UNC5B: variants seen among roughly 807,000 people sequenced by gnomAD.
The protein encoded by UNC5B is unc-5 netrin receptor B.
Under a neutral mutation model 103.7 loss-of-function variants are expected in UNC5B, and 56 were observed. The observed-to-expected ratio is 0.54, with a 90% confidence interval of 0.44 to 0.67. The LOEUF is 0.67. Ranked by LOEUF, UNC5B falls within the 30% of genes least tolerant of loss-of-function variation. UNC5B has a pLI of 0.00. For missense variants in UNC5B, 1,194 were observed against 1,284.5 expected, an observed-to-expected ratio of 0.93 and a Z score of 1.08; for synonymous variants, 577 against 542.0, an observed-to-expected ratio of 1.06 and a Z score of -0.90.
intron 1 of UNC5B, among the ~76,000 whole-genome samples, chr10:71,269,610 C>A (rs1844599673): frequency 6.6e-6 from 1 of 152,108 alleles, no homozygotes. Flanking sequence ...CCCTCCCCCT[C>A]CACCTGCCAC....
At chr10:71,229,858 A>G (rs1434001810) in intron 1 of UNC5B, among the ~76,000 whole-genome samples, 2 of 152,080 alleles carry the variant, frequency 1.3e-5, no homozygotes, top group Non-Finnish European at 2.9e-5. Context: ...AATCAGCCCC[A>G]TGCCATCTCT....
rs774021056 is a variant in UNC5B at position 71,291,709 on chromosome 10, G to A, written c.1572G>A (p.Leu524=). The change falls in exon 10 of 17, where the codon CTG becomes CTA. Residue 524 remains leucine, a synonymous_variant. Transcript: ENST00000335350. ...DFARDTHFLH[L]RSASLGSQQL... ...CCCGGGACACCCACTTCCTGCACCT[G>A]CGCAGCGCCAGCCTCGGTTCCCAGC... 1.9e-6 allele frequency: 3 copies of A among 1,612,802 alleles called. No homozygotes were observed. Among genetic ancestry groups the A allele is most frequent in the South Asian group, 1.1e-5 (1 of 91,084 alleles).
intron 1 of UNC5B, among the ~76,000 whole-genome samples, chr10:71,240,004 T>C (rs1843861647): frequency 1.3e-5 from 2 of 152,188 alleles, no homozygotes; most frequent in Admixed American, 1.3e-4. Context: ...AAGGCTGGGC[T>C]GGGGCTCCAG....
chr10:71,269,889 A>G (rs2132289551), intron 1 of UNC5B, among the ~76,000 whole-genome samples: 1 of 152,254 alleles, frequency 6.6e-6, no homozygotes, highest in South Asian at 2.1e-4. Flanking sequence ...GAGAGGTGGC[A>G]TTTGAGTTGG....
At chr10:71,245,780 T>C (rs1844017927) in intron 1 of UNC5B, among the ~76,000 whole-genome samples, 2 of 152,206 alleles carry the variant, frequency 1.3e-5, no homozygotes, top group Admixed American at 6.5e-5. Flanking sequence ...GTAGGCACTC[T>C]GGGTGCTCAG....
At position 71,280,012 on chromosome 10, in the gene UNC5B, C is replaced by G; in HGVS notation, c.271C>G (p.His91Asp). 1 of 1,614,080 alleles carries G rather than the reference C, an allele frequency of 6.2e-7. No individual in the cohort carries two copies. The highest frequency in any genetic ancestry group is 8.5e-7 in the Non-Finnish European group (1 of 1,180,030). Reference protein sequence around the residue: ...CNGEWVSQNDHVTQEGLDEAT... With the variant: ...CNGEWVSQNDDVTQEGLDEAT... ...CGGCGAGTGGGTCAGCCAGAACGAC[C>G]ACGTCACACAGGAAGGCCTGGATGA... is the stretch of plus-strand genomic sequence containing the variant. The change falls in exon 2 of 17, where the codon CAC becomes GAC. Residue 91 changes from histidine to aspartate, a missense_variant. By Grantham distance (81) the His-to-Asp change is moderately conservative (BLOSUM62 -1). Coordinates refer to ENST00000335350, the MANE Select transcript of UNC5B (RefSeq NM_170744.5).
chr10:71,260,008 C>A (rs544599403), intron 1 of UNC5B, among the ~76,000 whole-genome samples: 3 of 152,280 alleles, frequency 2.0e-5, no homozygotes, highest in South Asian at 4.1e-4. Context: ...AGGGGACAAA[C>A]AAGCCAACTG....
chr10:71,256,428 C>T (rs1329866957), intron 1 of UNC5B, among the ~76,000 whole-genome samples: 1 of 152,242 alleles, frequency 6.6e-6, no homozygotes, highest in East Asian at 1.9e-4. Context: ...TACTTATGGA[C>T]TAATGGAAGC....
At chr10:71,277,995 G>A (rs534933682) in intron 1 of UNC5B, among the ~76,000 whole-genome samples, 2 of 152,306 alleles carry the variant, frequency 1.3e-5, no homozygotes, top group South Asian at 2.1e-4. Flanking sequence ...TAGGTGGTGT[G>A]GAGTCTGGGG....
At chr10:71,295,357 T>C (rs185002536) in intron 13 of UNC5B, among the ~76,000 whole-genome samples, 1 of 141,080 alleles carries the variant, frequency 7.1e-6, no homozygotes, top group Non-Finnish European at 1.5e-5. Context: ...CATCCATCTG[T>C]CCATCTGTTC....
At chr10:71,297,186 G>A (rs1163738661) in intron 15 of UNC5B, among the ~76,000 whole-genome samples, 1 of 152,256 alleles carries the variant, frequency 6.6e-6, no homozygotes, top group Non-Finnish European at 1.5e-5. Context: ...CGGGTATCTG[G>A]TCATGTTTTT....
chr10:71,223,650 C>T (rs1028791295), intron 1 of UNC5B, among the ~76,000 whole-genome samples: 1 of 152,112 alleles, frequency 6.6e-6, no homozygotes, highest in Non-Finnish European at 1.5e-5. Context: ...ACTTGCTGGG[C>T]TGGTAAATTT....
chr10:71,261,397 A>C (rs1052949732), intron 1 of UNC5B, among the ~76,000 whole-genome samples: 8 of 152,118 alleles, frequency 5.3e-5, no homozygotes, highest in African/African-American at 1.9e-4. Flanking sequence ...CCTAGACTAG[A>C]TTGACTCTAT....
chr10:71,248,481 C>T (rs756954244), intron 1 of UNC5B, among the ~76,000 whole-genome samples: 22 of 152,208 alleles, frequency 1.4e-4, no homozygotes, highest in Non-Finnish European at 2.5e-4. Flanking sequence ...CTCAGCTCTT[C>T]CTTTTTCTCC....
intron 5 of UNC5B, 44 bp downstream of exon 5, chr10:71,286,913 G>A: frequency 2.5e-6 from 4 of 1,599,716 alleles, no homozygotes; most frequent in Non-Finnish European, 3.4e-6. Flanking sequence ...GGCCAAGGGA[G>A]GGAGGAGAGA....
At chr10:71,229,447 C>T (rs1023730724) in intron 1 of UNC5B, among the ~76,000 whole-genome samples, 1 of 152,218 alleles carries the variant, frequency 6.6e-6, no homozygotes, top group Non-Finnish European at 1.5e-5. Flanking sequence ...TTGACAGTGT[C>T]CTCCTCCGCC....
Position 71,300,573 on chromosome 10 carries a change from C to T in UNC5B, c.*1296C>T, listed in dbSNP as rs1206282720. 6.6e-6 allele frequency: 1 copy of T among 152,400 alleles called. No individual in the cohort carries two copies. Among genetic ancestry groups the T allele is most frequent in the Non-Finnish European group, 1.5e-5 (1 of 68,176 alleles). 9.4% of individuals were successfully genotyped at this position (152,400 alleles called of 1,614,324 possible). On this transcript the variant is annotated 3_prime_UTR_variant, in exon 17 of 17. Transcript: ENST00000335350. ...CCAGCCCTGACACCCTCATCCCCTC[C>T]TCAGCCCAGCAGCCTCTAGAGCAGC...
intron 1 of UNC5B, among the ~76,000 whole-genome samples, chr10:71,251,510 T>A (rs1564716849): frequency 6.6e-6 from 1 of 152,222 alleles, no homozygotes; most frequent in Non-Finnish European, 1.5e-5. Context: ...CAAGAGCGAT[T>A]TTCCATTTGC....
At chr10:71,287,464 C>T in intron 5 of UNC5B, 134 bp from the exon 6 acceptor site, 3 of 1,140,110 alleles carry the variant, frequency 2.6e-6, no homozygotes, top group Non-Finnish European at 3.7e-6. Flanking sequence ...TGAGTCCCTA[C>T]ACTGTAGGCA....
Sources: gnomAD v4.1 joint callset for allele counts (sites outside exome capture counted in the v4.1 genomes callset) on GRCh38, gnomAD v4.1.1 for gene constraint, MANE v1.5 for transcripts, NCBI Gene and HGNC (gene_info 2026-07-23, HGNC 2026-07-21) for gene names.